AKAP11: variants seen among roughly 807,000 people sequenced by gnomAD.
AKAP11 encodes the protein A-kinase anchor protein 11.
In AKAP11, 36 loss-of-function variants were observed where a neutral mutation model predicts 146.1. That is an observed-to-expected ratio of 0.25 (90% CI 0.19 to 0.33). The LOEUF is 0.33. AKAP11 is among the 10% of genes least tolerant of loss of function. The pLI, the probability that AKAP11 is intolerant of heterozygous loss-of-function variation, is 1.00. For missense variants in AKAP11, 2,201 were observed against 2,197.0 expected, an observed-to-expected ratio of 1.00 and a Z score of -0.04; for synonymous variants, 780 against 786.5, an observed-to-expected ratio of 0.99 and a Z score of 0.14.
chr13:42,309,212 ATATTT>A (rs1288041428), intron 9 of AKAP11, among the ~76,000 whole-genome samples: 1 of 152,208 alleles, frequency 6.6e-6, no homozygotes, highest in African/African-American at 2.4e-5. Flanking sequence ...GGTGTTTGAA[ATATTT>A]TATTAATTAT....
chr13:42,302,935 C>G lies in AKAP11; in HGVS notation c.4189C>G (p.Pro1397Ala). ...AGTGCAGTGCAACTCAAGAATGTTC[C>G]CTGTGCCAAGTTCACAAGTGAAAAC... ...TKVQCNSRMF[P>A]VPSSQVKTNK... The change falls in exon 8 of 13, where the codon CCT becomes GCT. Residue 1397 changes from proline (P) to alanine (A), a missense_variant. Transcript: ENST00000025301. The G allele has an allele frequency of 3.1e-6, 5 of 1,613,730 alleles. No homozygotes were observed. The highest frequency in any genetic ancestry group is 4.2e-6 in the Non-Finnish European group (5 of 1,179,958).
At chr13:42,290,924 G>A (rs1179821782) in intron 3 of AKAP11, among the ~76,000 whole-genome samples, 2 of 152,116 alleles carry the variant, frequency 1.3e-5, no homozygotes, top group Non-Finnish European at 1.5e-5. Flanking sequence ...CCAAAAGCTG[G>A]GTGCTGACTA....
In AKAP11 at chr13:42,301,556, T is replaced by A; in HGVS notation, c.2810T>A (p.Met937Lys). Residue 937 changes from methionine (M) to lysine (K), a missense_variant, in exon 8 of 13, where the codon ATG becomes AAG. By Grantham distance (95) the Met-to-Lys change is moderately conservative. Around this residue, in one of 3 missense-constraint regions of AKAP11, gnomAD observed 1,867 missense variants for 1,833.5 expected, o/e 1.02. Coordinates refer to ENST00000025301, the MANE Select transcript of AKAP11 (RefSeq NM_016248.4). ...AGTGAAGCTAGTAGCAATAAGGACA[T>A]GTTTGCTGACCGGTTATCTAAATCT... Reference protein sequence around the residue: ...QCSEASSNKDMFADRLSKSII... With the variant: ...QCSEASSNKDKFADRLSKSII... The A allele has an allele frequency of 1.2e-6, 2 of 1,614,128 alleles. No individual in the cohort carries two copies. The highest frequency in any genetic ancestry group is 1.7e-6 in the Non-Finnish European group (2 of 1,179,980).
At chr13:42,312,964 G>C in intron 9 of AKAP11, 83 bp from the exon 10 acceptor site, 1 of 1,155,762 alleles carries the variant, frequency 8.7e-7, no homozygotes, top group Non-Finnish European at 1.3e-6. Flanking sequence ...CAGTTATCAA[G>C]GACAGAAGCT....
intron 9 of AKAP11, among the ~76,000 whole-genome samples, chr13:42,309,898 TGTA>T (rs1478657787): frequency 6.6e-6 from 1 of 152,170 alleles, no homozygotes; most frequent in East Asian, 1.9e-4. Flanking sequence ...TAAGAGGACT[TGTA>T]GTCAGTTGAA....
intron 4 of AKAP11, among the ~76,000 whole-genome samples, chr13:42,294,637 G>A (rs1959400978): frequency 6.6e-6 from 1 of 152,120 alleles, no homozygotes; most frequent in South Asian, 2.1e-4. Flanking sequence ...CTGGCCTCAA[G>A]TGATCCATCC....
At chr13:42,309,896 C>T (rs1960467310) in intron 9 of AKAP11, among the ~76,000 whole-genome samples, 1 of 152,090 alleles carries the variant, frequency 6.6e-6, no homozygotes, top group Non-Finnish European at 1.5e-5. Context: ...ATTAAGAGGA[C>T]TTGTAGTCAG....
At chr13:42,314,022 T>C in intron 11 of AKAP11, 82 bp downstream of exon 11, 1 of 1,371,082 alleles carries the variant, frequency 7.3e-7, no homozygotes, top group African/African-American at 1.4e-5. Flanking sequence ...TTTCATCAGA[T>C]AGGCTCTAGG....
chr13:42,312,359 G>A (rs1369434054), intron 9 of AKAP11, among the ~76,000 whole-genome samples: 3 of 152,098 alleles, frequency 2.0e-5, no homozygotes, highest in East Asian at 1.9e-4. Context: ...TCTGTATGTG[G>A]CATTTGTGAC....
At chr13:42,277,790 G>A (rs1958962032) in intron 1 of AKAP11, among the ~76,000 whole-genome samples, 1 of 152,180 alleles carries the variant, frequency 6.6e-6, no homozygotes, top group Non-Finnish European at 1.5e-5. Flanking sequence ...GCAGAGATGA[G>A]TAAGGCATGG....
rs200366789 is a variant in AKAP11, at chr13:42,303,408, A to G, written c.4662A>G (p.Leu1554=). 5.4e-5 allele frequency: 87 copies of G among 1,613,970 alleles called. No homozygotes were observed. In the East Asian group the frequency reaches 1.9e-3, roughly 36 times the overall value. Reference sequence around the variant, plus strand: ...AAGTAGTGGATGACACTCTAGAGCTAACTCTAGGATCTACAGTGTTCCGAG... The same window carrying G: ...AAGTAGTGGATGACACTCTAGAGCTGACTCTAGGATCTACAGTGTTCCGAG... The part of the protein sequence containing the change: ...AKKVVDDTLE[L]TLGSTVFRVS... Residue 1554 remains leucine, a synonymous_variant, in exon 8 of 13, where the codon CTA becomes CTG. Transcript: ENST00000025301.
In AKAP11 at chr13:42,303,839, C is replaced by A. The variant is rs186112511; in HGVS notation, c.5093C>A (p.Thr1698Lys). ...LATETMTAAV[T>K]NVGHAVSSSK... ...ACAGAAACCATGACAGCAGCTGTCA[C>A]AAATGTTGGGCATGCTGTTAGCAGG... Residue 1698 changes from threonine (T) to lysine (K), a missense_variant, in exon 8 of 13, where the codon ACA (threonine) becomes AAA (lysine). Thr to Lys is a moderately conservative substitution (Grantham distance 78). Around this residue, in one of 3 missense-constraint regions of AKAP11, gnomAD observed 1,867 missense variants for 1,833.5 expected, o/e 1.02. Coordinates refer to ENST00000025301, the MANE Select transcript of AKAP11 (RefSeq NM_016248.4). 1.3e-6 allele frequency: 2 copies of A among 1,588,032 alleles called. No individual in the cohort carries two copies. Among genetic ancestry groups the A allele is most frequent in the East Asian group, 4.5e-5 (2 of 44,514 alleles).
intron 11 of AKAP11, among the ~76,000 whole-genome samples, chr13:42,316,311 A>G (rs1960818597): frequency 6.6e-6 from 1 of 152,074 alleles, no homozygotes; most frequent in Non-Finnish European, 1.5e-5. Context: ...TGTTGGCATG[A>G]TGTCTGCCAG....
intron 3 of AKAP11, among the ~76,000 whole-genome samples, chr13:42,289,876 A>G (rs993126477): frequency 6.6e-6 from 1 of 152,196 alleles, no homozygotes; most frequent in Non-Finnish European, 1.5e-5. Flanking sequence ...TCAAGCCCAC[A>G]GAAAAGTTGA....
Position 42,301,256 on chromosome 13 carries a change from G to C in AKAP11, c.2510G>C (p.Cys837Ser), listed in dbSNP as rs779869901. The change falls in exon 8 of 13, where the codon TGT becomes TCT. Residue 837 changes from cysteine (C) to serine (S), a missense_variant. By Grantham distance (112) the Cys-to-Ser change is moderately radical (BLOSUM62 -1). Coordinates refer to ENST00000025301, the MANE Select transcript of AKAP11 (RefSeq NM_016248.4). Reference sequence around the variant, plus strand: ...AAAGCAGCTTGTCTCAGAAATATTTGTTTACCTTCAGAACACAATCCAGGT... The same window carrying C: ...AAAGCAGCTTGTCTCAGAAATATTTCTTTACCTTCAGAACACAATCCAGGT... ...EEKAACLRNI[C>S]LPSEHNPGNQ... The C allele has an allele frequency of 4.3e-6, 7 of 1,613,886 alleles. 1 individual carries two copies. The Middle Eastern group carries it at 5.0e-4, about 114-fold the overall frequency.
upstream of AKAP11, among the ~76,000 whole-genome samples, chr13:42,271,548 G>A (rs1452326220): frequency 6.6e-6 from 1 of 152,220 alleles, no homozygotes; most frequent in Non-Finnish European, 1.5e-5. Context: ...TGCCACTTTG[G>A]GAAGGGCCCC....
At chr13:42,289,631 T>G (rs1181573924) in intron 3 of AKAP11, among the ~76,000 whole-genome samples, 5 of 152,134 alleles carry the variant, frequency 3.3e-5, no homozygotes, top group African/African-American at 1.2e-4. Flanking sequence ...TCACCTACTT[T>G]ACCTTCCTCA....
chr13:42,292,571 T>G, intron 4 of AKAP11, 70 bp downstream of exon 4: 1 of 862,836 alleles, frequency 1.2e-6, no homozygotes, highest in Admixed American at 2.5e-5. Flanking sequence ...TTTGTAGGAC[T>G]CTATGATCTA....
chr13:42,298,996 T>A (rs1357139083), intron 7 of AKAP11, among the ~76,000 whole-genome samples, 199 bp downstream of exon 7: 1 of 152,134 alleles, frequency 6.6e-6, no homozygotes, highest in Non-Finnish European at 1.5e-5. Flanking sequence ...TTTTGCTTAT[T>A]TCAGGTTTTC....
Sources: gnomAD v4.1 joint callset for allele counts (sites outside exome capture counted in the v4.1 genomes callset) on GRCh38, gnomAD v4.1.1 for gene constraint, gnomAD v4.1.1 regional missense constraint, MANE v1.5 for transcripts, NCBI Gene and HGNC (gene_info 2026-07-23, HGNC 2026-07-21) for gene names.